Variants in RALGPS1 observed in about 807,000 individuals in gnomAD.
The protein encoded by RALGPS1 is ras-specific guanine nucleotide-releasing factor RalGPS1.
In RALGPS1, 19 loss-of-function variants were observed where a neutral mutation model predicts 78.8. The ratio of observed to expected loss-of-function variants is 0.24; its 90% CI spans 0.17 to 0.35. RALGPS1 has a LOEUF of 0.35. Ranked by LOEUF, RALGPS1 falls within the 10% of genes least tolerant of loss-of-function variation. The probability of loss-of-function intolerance (pLI) is 1.00; values close to 1 mark genes in which losing one functional copy is unlikely to be tolerated. For missense variants in RALGPS1, 454 were observed against 688.3 expected (o/e 0.66, Z 3.81); for synonymous variants, 228 against 256.3 (o/e 0.89, Z 1.06).
At chr9:127,049,651 T>C (rs1341730838) in intron 5 of RALGPS1, among the ~76,000 whole-genome samples, 1 of 152,214 alleles carries the variant, frequency 6.6e-6, no homozygotes, top group African/African-American at 2.4e-5. Flanking sequence ...TCTTTGTCCA[T>C]CTGTCCCTCC....
At chr9:127,061,161 A>G (rs1186398212) in intron 7 of RALGPS1, among the ~76,000 whole-genome samples, 2 of 152,178 alleles carry the variant, frequency 1.3e-5, no homozygotes, top group African/African-American at 4.8e-5. Flanking sequence ...CATTGGCAGC[A>G]AACACCAGAA....
At chr9:126,957,796 T>C in intron 1 of RALGPS1, among the ~76,000 whole-genome samples, 1 of 152,094 alleles carries the variant, frequency 6.6e-6, no homozygotes, top group African/African-American at 2.4e-5. Flanking sequence ...CTCCTCTCAG[T>C]GCCGTCTCTT....
intron 1 of RALGPS1, among the ~76,000 whole-genome samples, chr9:126,929,536 C>G (rs1184944761): frequency 6.6e-6 from 1 of 151,242 alleles, no homozygotes; most frequent in Non-Finnish European, 1.5e-5. Context: ...ACCGCAACCT[C>G]CACCTCCCAG....
intron 4 of RALGPS1, among the ~76,000 whole-genome samples, chr9:126,979,198 A>G (rs183269602): frequency 3.3e-4 from 50 of 151,804 alleles, no homozygotes; most frequent in African/African-American, 1.2e-3. Context: ...TTTGTTCAGC[A>G]TTTATGTGAA....
chr9:126,963,575 A>G (rs1263773019), intron 2 of RALGPS1, among the ~76,000 whole-genome samples: 3 of 152,232 alleles, frequency 2.0e-5, no homozygotes, highest in African/African-American at 7.2e-5. Context: ...TTACACCAAC[A>G]TAGCCCCATA....
intron 1 of RALGPS1, among the ~76,000 whole-genome samples, chr9:126,931,892 G>A (rs1489876461): frequency 6.6e-6 from 1 of 152,048 alleles, no homozygotes; most frequent in Non-Finnish European, 1.5e-5. Flanking sequence ...AATACCTGGG[G>A]TATGTGTCCA....
chr9:127,173,940 G>A (rs1029442424), intron 10 of RALGPS1, among the ~76,000 whole-genome samples: 2 of 152,066 alleles, frequency 1.3e-5, no homozygotes, highest in Admixed American at 6.6e-5. Context: ...TTGAACCTGG[G>A]AGGCAGAGGG....
intron 8 of RALGPS1, among the ~76,000 whole-genome samples, chr9:127,139,527 C>T (rs1262388442): frequency 1.3e-5 from 2 of 152,216 alleles, no homozygotes; most frequent in East Asian, 3.8e-4. Flanking sequence ...GCGCTTGGAG[C>T]GTCTGCCTTG....
At chr9:127,134,933 A>G (rs1022145806) in intron 8 of RALGPS1, among the ~76,000 whole-genome samples, 9 of 152,288 alleles carry the variant, frequency 5.9e-5, no homozygotes, top group South Asian at 2.1e-4. Flanking sequence ...CAGTGAGTCC[A>G]AGATGGGCAC....
At chr9:127,164,051 G>A (rs1403622484) in intron 8 of RALGPS1, among the ~76,000 whole-genome samples, 1 of 151,844 alleles carries the variant, frequency 6.6e-6, no homozygotes, top group African/African-American at 2.4e-5. Flanking sequence ...ATGCGTGTGT[G>A]TTTTCAAATG....
Position 127,218,736 on chromosome 9 carries a change from C to T in RALGPS1, c.1645-4C>T. 1.2e-6 allele frequency: 2 copies of T among 1,613,932 alleles called. No individual in the cohort carries two copies. Among genetic ancestry groups the T allele is most frequent in the South Asian group, 1.1e-5 (1 of 91,080 alleles). On this transcript the variant is annotated splice_region_variant and splice_polypyrimidine_tract_variant and intron_variant, in intron 18 of 18. Transcript: ENST00000259351. The surrounding 1 kb of genome is among the most constrained non-coding windows in gnomAD (Gnocchi z 4.4). ...TTAACAAGAGGCTGAGCTTTCTCTT[C>T]TAGGTACCTGCAAACCTTATGTCAT... is the stretch of plus-strand genomic sequence containing the variant.
chr9:126,980,491 T>A (rs771921257), intron 4 of RALGPS1, among the ~76,000 whole-genome samples: 7 of 152,252 alleles, frequency 4.6e-5, no homozygotes, highest in Non-Finnish European at 8.8e-5. Flanking sequence ...AATCTGCTTT[T>A]GACTGGGCAC....
chr9:127,128,032 C>G (rs1437476273), intron 8 of RALGPS1, among the ~76,000 whole-genome samples: 1 of 149,248 alleles, frequency 6.7e-6, no homozygotes, highest in African/African-American at 2.5e-5. Context: ...CCCAGCCCCC[C>G]ACCCCCCTCT....
chr9:127,067,899 CA>C (rs2049857456), intron 7 of RALGPS1, among the ~76,000 whole-genome samples: 1 of 152,208 alleles, frequency 6.6e-6, no homozygotes, highest in African/African-American at 2.4e-5. Flanking sequence ...TCCTTAAAGC[CA>C]CGTTTAGTCA....
At chr9:126,971,880 C>CTCTATGT (rs2040155786) in intron 3 of RALGPS1, among the ~76,000 whole-genome samples, 1 of 152,138 alleles carries the variant, frequency 6.6e-6, no homozygotes, top group African/African-American at 2.4e-5. Flanking sequence ...TGCTAGTATA[C>CTCTATGT]TCTATGTCCT....
intron 8 of RALGPS1, among the ~76,000 whole-genome samples, chr9:127,113,852 A>T (rs534974710): frequency 1.3e-5 from 2 of 152,208 alleles, no homozygotes; most frequent in Non-Finnish European, 2.9e-5. Context: ...TGGTGGGGCC[A>T]CACATCATGT....
intron 3 of RALGPS1, among the ~76,000 whole-genome samples, chr9:126,966,451 G>T (rs573579282): frequency 5.5e-4 from 81 of 147,028 alleles, no homozygotes; most frequent in Non-Finnish European, 9.6e-4. Context: ...AGCCTGGGAA[G>T]TTGAAGCTGC....
Position 127,196,550 on chromosome 9 carries a change from GAC to G in RALGPS1, c.1116_1117del (p.Asp372GlufsTer29). 6.2e-7 allele frequency: 1 copy of G among 1,614,208 alleles called. No individual in the cohort carries two copies. The highest frequency in any genetic ancestry group is 8.5e-7 in the Non-Finnish European group (1 of 1,180,018). On this transcript the variant is annotated frameshift_variant, in exon 13 of 19. Coordinates refer to ENST00000259351, the MANE Select transcript of RALGPS1 (RefSeq NM_014636.3). LOFTEE classifies it high-confidence loss of function. ...PSEKARHLLD[D>X]SVLESRSPRR... ...GGAGAAAGCAAGGCACCTACTGGAC[GAC>G]AGTGTCCTAGAGTCCCGCAGCCCCC...
At chr9:127,110,604 A>G (rs1385750968) in intron 8 of RALGPS1, among the ~76,000 whole-genome samples, 1 of 152,178 alleles carries the variant, frequency 6.6e-6, no homozygotes, top group Non-Finnish European at 1.5e-5. Context: ...ACTATCTGCT[A>G]GGTATCTCAA....
Sources: gnomAD v4.1 joint callset for allele counts (sites outside exome capture counted in the v4.1 genomes callset) on GRCh38, gnomAD v4.1.1 for gene constraint, Gnocchi (gnomAD v3.1) non-coding constraint, MANE v1.5 for transcripts, NCBI Gene and HGNC (gene_info 2026-07-23, HGNC 2026-07-21) for gene names.